Variants in ZNF33A observed in about 807,000 individuals in gnomAD.
ZNF33A encodes brain my041 protein.
Under a neutral mutation model 15.9 loss-of-function variants are expected in ZNF33A, and 9 were observed. The observed-to-expected ratio is 0.57, with a 90% CI of 0.34 to 0.99. ZNF33A has a LOEUF of 0.99. ZNF33A is among the 50% of genes least tolerant of loss of function. The pLI, the probability that ZNF33A is intolerant of heterozygous loss-of-function variation, is 0.02. For synonymous variants in ZNF33A, 294 were observed against 324.2 expected (o/e 0.91, Z 1.00); for missense variants, 843 against 941.6 (o/e 0.90, Z 1.37).
downstream of ZNF33A, among the ~76,000 whole-genome samples, chr10:38,060,303 A>G (rs937829564): frequency 7.2e-5 from 11 of 152,170 alleles, no homozygotes; most frequent in African/African-American, 2.7e-4. Flanking sequence ...CAGGTGAGGT[A>G]ACTTAGCAGA....
At chr10:38,013,917 A>G (rs2064319051) in intron 2 of ZNF33A, among the ~76,000 whole-genome samples, 1 of 149,438 alleles carries the variant, frequency 6.7e-6, no homozygotes, top group Non-Finnish European at 1.5e-5. Flanking sequence ...CAATCCTGAC[A>G]CCTCCCTGCT....
chr10:38,014,164 C>T (rs2064337863), intron 2 of ZNF33A, among the ~76,000 whole-genome samples: 1 of 146,812 alleles, frequency 6.8e-6, no homozygotes, highest in South Asian at 2.2e-4. Context: ...GGCTAAGTCT[C>T]CCAAGTAGCT....
At chr10:38,022,204 G>GA (rs1489652285) in intron 4 of ZNF33A, among the ~76,000 whole-genome samples, 45 of 152,166 alleles carry the variant, frequency 3.0e-4, no homozygotes, top group Non-Finnish European at 1.3e-4. Flanking sequence ...GGTTCTTTGG[G>GA]AAAAAATCAA....
chr10:38,047,624 C>CAAAAAAAAAAAAAAAAAAA (rs554054575), intron 4 of ZNF33A, among the ~76,000 whole-genome samples: 5 of 75,006 alleles, frequency 6.7e-5, no homozygotes, highest in Admixed American at 3.5e-4. Flanking sequence ...GACTCTGTCT[C>CAAAAAAAAAAAAAAAAAAA]AAAAAAAAAA....
intron 4 of ZNF33A, among the ~76,000 whole-genome samples, chr10:38,027,600 G>T (rs1457128956): frequency 6.6e-6 from 1 of 151,684 alleles, no homozygotes; most frequent in African/African-American, 2.4e-5. Flanking sequence ...ATCCACCTTG[G>T]CCTCCCAAAC....
At chr10:38,036,096 A>T (rs568765455) in intron 4 of ZNF33A, among the ~76,000 whole-genome samples, 1 of 152,238 alleles carries the variant, frequency 6.6e-6, no homozygotes, top group South Asian at 2.1e-4. Context: ...GCAACATTGT[A>T]TGAAAATAAT....
At position 38,024,932 on chromosome 10, in the gene ZNF33A, G is replaced by T. The variant is rs569533341; in HGVS notation, c.250+7546G>T. 5.9e-5 allele frequency among the ~76,000 whole-genome samples: 9 copies of T among 152,332 alleles called. No homozygotes were observed. The South Asian group carries it at 1.7e-3, about 28-fold the overall frequency. ...TTAGTAACTGTCTTGATTATTTATT[G>T]TCACAATATGTGTTCAGGTAACCCT... On this transcript the variant is annotated intron_variant, in intron 4 of 4. Coordinates refer to ENST00000432900, the MANE Select transcript of ZNF33A (RefSeq NM_006954.2).
chr10:38,063,032 A>G (rs2066673087), downstream of ZNF33A, among the ~76,000 whole-genome samples: 1 of 144,504 alleles, frequency 6.9e-6, no homozygotes, highest in African/African-American at 2.6e-5. Context: ...AAAAAAAAAA[A>G]GAGGAAAAGT....
chr10:38,037,140 G>A lies in ZNF33A; in HGVS notation c.251-17235G>A, dbSNP rs557193452. The stretch of plus-strand genomic sequence containing the variant: ...GTATTTTTGGTACTTTATCTAAGAG[G>A]GCTTTATCTATCCCCAGGGCATGAA... On this transcript the variant is annotated intron_variant, in intron 4 of 4. Transcript: ENST00000432900. 1.4e-4 allele frequency among the ~76,000 whole-genome samples: 21 copies of A among 151,908 alleles called. No individual in the cohort carries two copies. In the South Asian group the frequency reaches 4.4e-3, roughly 32 times the overall value.
intron 4 of ZNF33A, among the ~76,000 whole-genome samples, chr10:38,032,850 G>A (rs890925405): frequency 1.4e-4 from 21 of 151,074 alleles, no homozygotes; most frequent in African/African-American, 3.9e-4. Context: ...AGGTTCAAGC[G>A]ATTCTCCTGC....
rs749683232 is a variant in ZNF33A, at chr10:38,056,970, T to C, written c.*410T>C. On this transcript the variant is annotated 3_prime_UTR_variant, in exon 5 of 5. Transcript: ENST00000432900. ...ATAACCTCACAAGAAGTTTAATGAG[T>C]AGAGAGAATTCCCATGTACACTTCA... 20 of 886,382 alleles carry C rather than the reference T, an allele frequency of 2.3e-5. No homozygotes were observed. The highest frequency in any genetic ancestry group is 2.6e-5 in the Non-Finnish European group (19 of 738,100). 54.9% of individuals were successfully genotyped at this position (886,382 alleles called of 1,614,324 possible). A position where few individuals can be genotyped will look rare whatever the true frequency, so the allele number is the denominator to read the frequency against.
chr10:38,029,787 A>G (rs2065135867), intron 4 of ZNF33A, among the ~76,000 whole-genome samples: 2 of 152,206 alleles, frequency 1.3e-5, no homozygotes, highest in African/African-American at 4.8e-5. Context: ...TCTGGTGCAG[A>G]TCAGTGTATA....
chr10:38,039,275 G>A (rs577522113), intron 4 of ZNF33A: 6 of 299,926 alleles, frequency 2.0e-5, no homozygotes, highest in South Asian at 1.6e-4. Flanking sequence ...CCAGGCTGGA[G>A]TGCAGTGGTG....
intron 4 of ZNF33A, among the ~76,000 whole-genome samples, chr10:38,042,562 T>A (rs180800716): frequency 9.8e-4 from 149 of 152,034 alleles, no homozygotes; most frequent in Middle Eastern, 6.8e-3. Flanking sequence ...TTATTTATTT[T>A]TTTTTTGAAA....
chr10:38,063,989 A>G (rs554406358), downstream of ZNF33A: 3 of 1,149,928 alleles, frequency 2.6e-6, no homozygotes, highest in South Asian at 4.0e-5. Flanking sequence ...TGCATTCTGT[A>G]GGAAAACAGG....
Position 38,056,723 on chromosome 10 carries a change from A to T in ZNF33A, c.*163A>T. The T allele has an allele frequency of 4.0e-6, 5 of 1,251,130 alleles. No individual in the cohort carries two copies. Among genetic ancestry groups the T allele is most frequent in the Non-Finnish European group, 5.0e-6 (5 of 998,166 alleles). The allele number at this position is 1,251,130 out of a possible 1,614,324, so 77.5% of individuals were successfully genotyped here. A position where few individuals can be genotyped will look rare whatever the true frequency, so the allele number is the denominator to read the frequency against. On this transcript the variant is annotated 3_prime_UTR_variant, in exon 5 of 5. Coordinates refer to ENST00000432900, the MANE Select transcript of ZNF33A (RefSeq NM_006954.2). ...TACAGATTTTTTTTGAATTTGTGAAAGTTTTTGGCAAAAATGCAAATAAGG... is the reference window on the plus strand; with the variant it reads ...TACAGATTTTTTTTGAATTTGTGAATGTTTTTGGCAAAAATGCAAATAAGG...
chr10:38,060,933 C>T (rs2066647721), downstream of ZNF33A, among the ~76,000 whole-genome samples: 1 of 152,076 alleles, frequency 6.6e-6, no homozygotes, highest in Admixed American at 6.5e-5. Context: ...GGCTGTATCC[C>T]TTCATGACTT....
Position 38,057,429 on chromosome 10 carries a change from A to T in ZNF33A, c.*869A>T, listed in dbSNP as rs754094921. 1.5e-5 allele frequency: 15 copies of T among 985,456 alleles called. No individual in the cohort carries two copies. Among genetic ancestry groups the T allele is most frequent in the Non-Finnish European group, 1.8e-5 (15 of 829,926 alleles). 61.0% of individuals were successfully genotyped at this position (985,456 alleles called of 1,614,324 possible). ...TGAAGTTCAAAAGACTTATATATGTATAAGTGGTATGTGATATAAATCGTG... is the reference window on the plus strand; with the variant it reads ...TGAAGTTCAAAAGACTTATATATGTTTAAGTGGTATGTGATATAAATCGTG... On this transcript the variant is annotated 3_prime_UTR_variant, in exon 5 of 5. Transcript: ENST00000432900.
intron 4 of ZNF33A, among the ~76,000 whole-genome samples, chr10:38,024,524 AG>A (rs1329635059): frequency 2.0e-5 from 3 of 152,222 alleles, no homozygotes; most frequent in Non-Finnish European, 4.4e-5. Context: ...TCAAGATTCC[AG>A]TAAGGTTTTT....
Sources: allele counts gnomAD v4.1 joint callset (sites outside exome capture counted in the v4.1 genomes callset), GRCh38; gene constraint gnomAD v4.1.1; transcripts MANE v1.5; gene names NCBI Gene and HGNC (gene_info 2026-07-23, HGNC 2026-07-21).